FIG4: variants seen among roughly 807,000 people sequenced by gnomAD.
FIG4 encodes FIG4 phosphoinositide 5-phosphatase, also known as polyphosphoinositide phosphatase.
A neutral mutation model predicts 118.6 loss-of-function variants in FIG4; 112 were observed. The ratio of observed to expected loss-of-function variants is 0.94; its 90% CI spans 0.81 to 1.11. The LOEUF (loss-of-function observed/expected upper bound fraction) is 1.11. Ranked by LOEUF, FIG4 falls within the 50% of genes least tolerant of loss-of-function variation. The pLI is 0.00. For synonymous variants in FIG4, 369 were observed against 381.2 expected, an observed-to-expected ratio of 0.97 and a Z score of 0.37; for missense variants, 969 against 1,111.7, an observed-to-expected ratio of 0.87 and a Z score of 1.83.
intron 22 of FIG4, among the ~76,000 whole-genome samples, chr6:109,815,187 A>G (rs1778826402): frequency 6.6e-6 from 1 of 152,026 alleles, no homozygotes; most frequent in Non-Finnish European, 1.5e-5. Context: ...TCCCCCATAC[A>G]TAACCAGTTG....
At chr6:109,738,562 C>A in intron 7 of FIG4, 109 bp downstream of exon 7, 1 of 1,070,810 alleles carries the variant, frequency 9.3e-7, no homozygotes, top group Non-Finnish European at 1.4e-6. Context: ...CTGTGCACCC[C>A]AACAGGAAAA....
chr6:109,691,504 G>A lies in FIG4; in HGVS notation c.66+3G>A. On this transcript the variant is annotated splice_donor_region_variant and intron_variant, in intron 1 of 22. Transcript: ENST00000230124. ...TGGTTCTGTATGAGACTAGAGCTGT[G>A]AGTACCCCCTCGCGGCGGGGCGCAG... 6.3e-7 allele frequency: 1 copy of A among 1,576,118 alleles called. No individual in the cohort carries two copies. The highest frequency in any genetic ancestry group is 8.6e-7 in the Non-Finnish European group (1 of 1,160,372).
rs143793195 is a variant in FIG4 at position 109,807,293 on chromosome 6, A to G, written c.2546+10442A>G. ...TCTGTTGTTTCCTGACTTTTAAATGATCACCATTCTAACTGGCATGAGATG... is the reference window on the plus strand; with the variant it reads ...TCTGTTGTTTCCTGACTTTTAAATGGTCACCATTCTAACTGGCATGAGATG... On this transcript the variant is annotated intron_variant, in intron 22 of 22. Coordinates refer to ENST00000230124, the MANE Select transcript of FIG4 (RefSeq NM_014845.6). 1.1e-3 allele frequency among the ~76,000 whole-genome samples: 171 copies of G among 152,284 alleles called. 1 individual carries two copies. Among genetic ancestry groups the G allele is most frequent in the African/African-American group, 3.6e-3 (148 of 41,544 alleles).
intron 22 of FIG4, among the ~76,000 whole-genome samples, chr6:109,798,181 T>C (rs1000414421): frequency 3.9e-5 from 6 of 152,128 alleles, no homozygotes; most frequent in Non-Finnish European, 8.8e-5. Context: ...CAAAAGCCTT[T>C]TAGAGAGTAG....
chr6:109,769,356 A>G (rs564114903), intron 15 of FIG4, among the ~76,000 whole-genome samples: 1 of 152,280 alleles, frequency 6.6e-6, no homozygotes, highest in Admixed American at 6.5e-5. Flanking sequence ...ACAAATGGAA[A>G]GGTAAGGCAA....
intron 1 of FIG4, among the ~76,000 whole-genome samples, chr6:109,700,704 G>GT (rs1477577139): frequency 2.0e-5 from 3 of 152,210 alleles, no homozygotes; most frequent in African/African-American, 7.2e-5. Flanking sequence ...GTCCACATGG[G>GT]TGGCTGAGCT....
Position 109,698,769 on chromosome 6 carries a change from C to T in FIG4, c.66+7268C>T, listed in dbSNP as rs141927513. On this transcript the variant is annotated intron_variant, in intron 1 of 22. Coordinates refer to ENST00000230124, the MANE Select transcript of FIG4 (RefSeq NM_014845.6). Reference sequence around the variant, plus strand: ...CTGCACATGACATTTTCTTTATTTGCGTATTATGGCCAATTACATTAATTC... The same window carrying T: ...CTGCACATGACATTTTCTTTATTTGTGTATTATGGCCAATTACATTAATTC... Among the ~76,000 whole-genome samples the T allele has an allele frequency of 7.3e-4, 111 of 152,056 alleles. No individual in the cohort carries two copies. The East Asian group carries it at 0.014, about 19-fold the overall frequency.
rs374775906 is a variant in FIG4 at position 109,825,283 on chromosome 6, C to T, written c.*18C>T. ...ACCTGTGAAAAGAGCGCAGGTCCACCTGGTGGACACGTCTGATTAGCTTAG... is the reference window on the plus strand; with the variant it reads ...ACCTGTGAAAAGAGCGCAGGTCCACTTGGTGGACACGTCTGATTAGCTTAG... On this transcript the variant is annotated 3_prime_UTR_variant, in exon 23 of 23. Transcript: ENST00000230124. 5 of 1,610,686 alleles carry T rather than the reference C, an allele frequency of 3.1e-6. No individual in the cohort carries two copies. Among genetic ancestry groups the T allele is most frequent in the Non-Finnish European group, 4.2e-6 (5 of 1,177,012 alleles).
At chr6:109,726,246 G>A (rs1775810255) in intron 3 of FIG4, among the ~76,000 whole-genome samples, 1 of 152,148 alleles carries the variant, frequency 6.6e-6, no homozygotes, top group Non-Finnish European at 1.5e-5. Context: ...TTATATTTAA[G>A]TCTTTAATCC....
chr6:109,791,326 G>T lies in FIG4; in HGVS notation c.2181-50G>T, dbSNP rs1333655692. 14 of 1,486,986 alleles carry T rather than the reference G, an allele frequency of 9.4e-6. No homozygotes were observed. The Admixed American group carries it at 1.8e-4, about 20-fold the overall frequency. The allele number at this position is 1,486,986 out of a possible 1,614,324, so 92.1% of individuals were successfully genotyped here. On this transcript the variant is annotated intron_variant, in intron 19 of 22. Transcript: ENST00000230124. ...TGGGACAGAGTGATAGACAGTGGGT[G>T]TTGAGGGTTAGTTTAAAGATGCTTC...
At chr6:109,824,565 T>C (rs901438736) in intron 22 of FIG4, among the ~76,000 whole-genome samples, 1 of 152,212 alleles carries the variant, frequency 6.6e-6, no homozygotes, top group Admixed American at 6.5e-5. Flanking sequence ...ACAGTTCACA[T>C]TTACTGAGCT....
intron 3 of FIG4, among the ~76,000 whole-genome samples, chr6:109,717,951 C>T (rs6568600): frequency 0.45 from 69,069 of 152,054 alleles, 17,398 homozygotes; most frequent in African/African-American, 0.68. Flanking sequence ...TGTATTGGTT[C>T]GTTCTCGCAT....
At chr6:109,815,451 G>T (rs558845738) in intron 22 of FIG4, among the ~76,000 whole-genome samples, 1 of 151,892 alleles carries the variant, frequency 6.6e-6, no homozygotes, top group East Asian at 1.9e-4. Flanking sequence ...TCCTCTGGAG[G>T]GATGGCCTTC....
intron 16 of FIG4, among the ~76,000 whole-genome samples, chr6:109,783,846 C>A (rs1324974142): frequency 1.3e-5 from 2 of 152,218 alleles, no homozygotes; most frequent in Admixed American, 1.3e-4. Context: ...AATAGCACTG[C>A]TGTAAAGCAT....
chr6:109,749,055 CTGTGTGTGTGTGTGTGTGTGTGTG>C (rs113357544), intron 10 of FIG4, among the ~76,000 whole-genome samples: 69 of 132,482 alleles, frequency 5.2e-4, no homozygotes, highest in African/African-American at 1.6e-3. Context: ...CAAAGGAGCT[CTGTGTGTGTGTGTGTGTGTGTGTG>C]TGTGTGTGTG....
chr6:109,738,258 A>G, intron 6 of FIG4, 67 bp from the exon 7 acceptor site: 1 of 1,369,078 alleles, frequency 7.3e-7, no homozygotes, highest in Non-Finnish European at 1.0e-6. Flanking sequence ...TCTGATACCA[A>G]CCTTTTTTTT....
intron 21 of FIG4, among the ~76,000 whole-genome samples, chr6:109,796,338 C>T (rs1778286156): frequency 6.6e-6 from 1 of 152,170 alleles, no homozygotes. Flanking sequence ...CTGCCCTTTC[C>T]ACGTCACTTG....
At chr6:109,785,922 T>C (rs1777939740) in intron 17 of FIG4, 1 of 307,972 alleles carries the variant, frequency 3.2e-6, no homozygotes, top group Non-Finnish European at 6.4e-6. Flanking sequence ...TAACAGTGGC[T>C]ATTAACAGAA....
At chr6:109,716,395 T>C (rs1319881915) in intron 2 of FIG4, 50 bp from the exon 3 acceptor site, 1 of 1,601,340 alleles carries the variant, frequency 6.2e-7, no homozygotes, top group Non-Finnish European at 8.5e-7. Context: ...AAATAATAAA[T>C]AATCTAAAGT....
Sources: allele counts gnomAD v4.1 joint callset (sites outside exome capture counted in the v4.1 genomes callset), GRCh38; gene constraint gnomAD v4.1.1; transcripts MANE v1.5; gene names NCBI Gene and HGNC (gene_info 2026-07-23, HGNC 2026-07-21).